The following CD247 variants were observed in gnomAD, a reference collection of about 807,000 sequenced individuals.
CD247 encodes the protein CD247 molecule.
A neutral mutation model predicts 30.0 loss-of-function variants in CD247; 13 were observed. That is an observed-to-expected ratio of 0.43 (90% confidence interval 0.28 to 0.69). CD247 has a LOEUF of 0.69. CD247 is among the 30% of genes least tolerant of loss of function. The pLI is 0.16. For synonymous variants in CD247, 72 were observed against 80.0 expected (o/e 0.90, Z 0.53); for missense variants, 193 against 212.6 (o/e 0.91, Z 0.57).
chr1:167,476,349 T>C (rs1339597194), intron 1 of CD247, among the ~76,000 whole-genome samples: 2 of 152,188 alleles, frequency 1.3e-5, no homozygotes, highest in Non-Finnish European at 2.9e-5. Context: ...AGAATGAGCC[T>C]TTCAGAGAGC....
intron 1 of CD247, among the ~76,000 whole-genome samples, chr1:167,473,416 G>T (rs1159253729): frequency 1.3e-5 from 2 of 152,120 alleles, no homozygotes; most frequent in African/African-American, 4.8e-5. Context: ...GACCACCCAC[G>T]CCCACAGGCT....
At chr1:167,443,732 C>T (rs1651944609) in intron 1 of CD247, among the ~76,000 whole-genome samples, 1 of 152,060 alleles carries the variant, frequency 6.6e-6, no homozygotes, top group Non-Finnish European at 1.5e-5. Flanking sequence ...TTCTTCCTTC[C>T]CTCCTTCCTT....
chr1:167,484,174 C>T (rs1558020138), intron 1 of CD247, among the ~76,000 whole-genome samples: 1 of 152,218 alleles, frequency 6.6e-6, no homozygotes, highest in African/African-American at 2.4e-5. Flanking sequence ...CTTGAGTCCT[C>T]CCTTTGTTCC....
At chr1:167,480,224 T>A (rs1341737123) in intron 1 of CD247, among the ~76,000 whole-genome samples, 2 of 152,178 alleles carry the variant, frequency 1.3e-5, no homozygotes, top group African/African-American at 4.8e-5. Flanking sequence ...ACTTTGAGCA[T>A]TTCAGTGTTT....
chr1:167,489,044 C>T (rs1654329040), intron 1 of CD247, among the ~76,000 whole-genome samples: 3 of 151,978 alleles, frequency 2.0e-5, no homozygotes, highest in Admixed American at 6.6e-5. Flanking sequence ...AAGGCAGCGC[C>T]GAGAAGCACG....
In CD247 at chr1:167,431,452, A is replaced by AG. The variant is rs1651261233; in HGVS notation, c.*228dup. ...TCTACCTGCACCACCGGCAAACCAG[A>AG]GGGCCCAAGGCCAGGGCCGTAAGCC... On this transcript the variant is annotated 3_prime_UTR_variant, in exon 8 of 8. Coordinates refer to ENST00000362089, the MANE Select transcript of CD247 (RefSeq NM_198053.3). 3 of 608,330 alleles carry AG rather than the reference A, an allele frequency of 4.9e-6. No individual in the cohort carries two copies. Among genetic ancestry groups the AG allele is most frequent in the Admixed American group, 2.9e-5 (1 of 35,078 alleles). The allele number at this position is 608,330 out of a possible 1,614,324, so 37.7% of individuals were successfully genotyped here. A position where few individuals can be genotyped will look rare whatever the true frequency, so the allele number is the denominator to read the frequency against.
chr1:167,438,558 A>G lies in CD247; in HGVS notation c.300+12T>C, dbSNP rs1322157584. ...CATGCAGGAACACACAGGAAGGTAG[A>G]GGAACCCCTACCGGCTTTCCCCCCA... On this transcript the variant is annotated intron_variant, in intron 4 of 7. Coordinates refer to ENST00000362089, the MANE Select transcript of CD247 (RefSeq NM_198053.3). 2 of 1,603,354 alleles carry G rather than the reference A, an allele frequency of 1.2e-6. No homozygotes were observed. Among genetic ancestry groups the G allele is most frequent in the African/African-American group, 2.7e-5 (2 of 74,728 alleles).
At chr1:167,445,857 C>A (rs113929572) in intron 1 of CD247, among the ~76,000 whole-genome samples, 26 of 152,136 alleles carry the variant, frequency 1.7e-4, no homozygotes, top group African/African-American at 6.0e-4. Context: ...TGGGCATCTG[C>A]GGGACTTACT....
At chr1:167,498,688 G>C (rs1654790111) in intron 1 of CD247, among the ~76,000 whole-genome samples, 1 of 152,196 alleles carries the variant, frequency 6.6e-6, no homozygotes, top group Non-Finnish European at 1.5e-5. Context: ...GTTTCAGAGA[G>C]GTCAAGAAAC....
chr1:167,432,913 GC>G, intron 7 of CD247, 110 bp downstream of exon 7: 1 of 1,203,824 alleles, frequency 8.3e-7, no homozygotes, highest in African/African-American at 1.5e-5. Context: ...GGCTTGCCCT[GC>G]CCAGCTGTTG....
chr1:167,458,203 C>A (rs1652802276), intron 1 of CD247, among the ~76,000 whole-genome samples: 1 of 152,230 alleles, frequency 6.6e-6, no homozygotes, highest in Admixed American at 6.5e-5. Context: ...CAGGAGAAAG[C>A]TACTTATGAT....
chr1:167,449,135 A>T (rs1213473167), intron 1 of CD247, among the ~76,000 whole-genome samples: 3 of 81,538 alleles, frequency 3.7e-5, no homozygotes, highest in Admixed American at 1.3e-4. Flanking sequence ...ATACTTTGTG[A>T]TCATTTTTCT....
rs931767171 is a variant in CD247 at position 167,494,115 on chromosome 1, G to A, written c.58+24293C>T. ...CTGGACTGGGTACCCAGAGCTAATA[G>A]GAGAAGAGGACAAGCAGGGGGACAG... is the stretch of plus-strand genomic sequence containing the variant. On this transcript the variant is annotated intron_variant, in intron 1 of 7. Transcript: ENST00000362089. The surrounding 1 kb of genome is among the most constrained non-coding windows in gnomAD (Gnocchi z 7.3). Among the ~76,000 whole-genome samples, 1 of 151,560 alleles carries A rather than the reference G, an allele frequency of 6.6e-6. No individual in the cohort carries two copies. Among genetic ancestry groups the A allele is most frequent in the African/African-American group, 2.4e-5 (1 of 40,950 alleles).
At chr1:167,485,555 T>G (rs1190792587) in intron 1 of CD247, among the ~76,000 whole-genome samples, 1 of 152,122 alleles carries the variant, frequency 6.6e-6, no homozygotes, top group Non-Finnish European at 1.5e-5. Flanking sequence ...CACCTGCCTT[T>G]CCTGAAACAC....
At chr1:167,457,140 G>C (rs557128403) in intron 1 of CD247, among the ~76,000 whole-genome samples, 3 of 152,220 alleles carry the variant, frequency 2.0e-5, no homozygotes, top group Non-Finnish European at 4.4e-5. Context: ...TTTAGCGCTA[G>C]GAGCTGGCAT....
Position 167,434,053 on chromosome 1 carries a change from C to T in CD247, c.360G>A (p.Ala120=), listed in dbSNP as rs568106106. The part of the protein sequence containing the change: ...LYNELQKDKM[A]EAYSEIGMKG... ...TCATCCCAATCTCACTGTAGGCCTC[C>T]GCCATCTTATCTTTCTGCAGTTCCT... The change falls in exon 6 of 8, where the codon GCG becomes GCA. Residue 120 remains alanine, a synonymous_variant. Transcript: ENST00000362089. 1.3e-4 allele frequency: 213 copies of T among 1,614,110 alleles called. 1 individual carries two copies. In the Admixed American group the frequency reaches 3.2e-3, roughly 25 times the overall value.
intron 1 of CD247, among the ~76,000 whole-genome samples, chr1:167,484,363 C>A (rs1240938388): frequency 6.6e-6 from 1 of 152,222 alleles, no homozygotes; most frequent in Non-Finnish European, 1.5e-5. Context: ...ACAGCAGGGG[C>A]TTCTCCAGCT....
At chr1:167,436,498 T>C (rs920363428) in intron 4 of CD247, among the ~76,000 whole-genome samples, 4 of 152,126 alleles carry the variant, frequency 2.6e-5, no homozygotes, top group Non-Finnish European at 5.9e-5. Context: ...GCCAAGAATA[T>C]ACAATGGGAA....
chr1:167,453,274 T>C (rs34668108), intron 1 of CD247, among the ~76,000 whole-genome samples: 2,440 of 152,238 alleles, frequency 0.016, 31 homozygotes, highest in South Asian at 0.028. Context: ...TGCTCCACTT[T>C]GCAGATAAAG....
Sources: gnomAD v4.1 joint callset for allele counts (sites outside exome capture counted in the v4.1 genomes callset) on GRCh38, gnomAD v4.1.1 for gene constraint, Gnocchi (gnomAD v3.1) non-coding constraint, MANE v1.5 for transcripts, NCBI Gene and HGNC (gene_info 2026-07-23, HGNC 2026-07-21) for gene names.